The following MEI4 variants were observed in gnomAD, a reference collection of about 807,000 sequenced individuals.
The protein encoded by MEI4 is meiotic double-stranded break formation protein 4.
MEI4 carries 27 observed loss-of-function variants against 31.4 expected under a neutral mutation model. The observed-to-expected ratio is 0.86, with a 90% CI of 0.63 to 1.19. The LOEUF is 1.19. Among genes scored for constraint, MEI4 ranks in the 50% most tolerant of loss-of-function variants. The pLI is 0.00. For missense variants in MEI4, 329 were observed against 398.9 expected, an observed-to-expected ratio of 0.82 and a Z score of 1.49; for synonymous variants, 122 against 145.4, an observed-to-expected ratio of 0.84 and a Z score of 1.16.
At chr6:77,658,820 A>C (rs4708358) in intron 1 of MEI4, among the ~76,000 whole-genome samples, 1 of 151,590 alleles carries the variant, frequency 6.6e-6, no homozygotes, top group Non-Finnish European at 1.5e-5. Flanking sequence ...CAGGACATCC[A>C]ATTAGAGAGT....
At chr6:77,869,230 A>C (rs941962644) in intron 4 of MEI4, among the ~76,000 whole-genome samples, 1 of 152,192 alleles carries the variant, frequency 6.6e-6, no homozygotes, top group Admixed American at 6.5e-5. Context: ...ACTAAGTTAC[A>C]GTAGGGAGAG....
chr6:77,650,587 C>G (rs554007929), upstream of MEI4, among the ~76,000 whole-genome samples: 2 of 152,190 alleles, frequency 1.3e-5, no homozygotes, highest in Non-Finnish European at 2.9e-5. Flanking sequence ...GTAGGCGGGG[C>G]GGGCCCTGCA....
chr6:77,883,717 GATATATAT>G (rs570185624), intron 4 of MEI4, among the ~76,000 whole-genome samples: 4 of 43,338 alleles, frequency 9.2e-5, no homozygotes, highest in South Asian at 5.2e-4. Context: ...TATTATGTAA[GATATATAT>G]ATATATATAT....
chr6:77,790,663 A>C (rs1452641513), intron 3 of MEI4, among the ~76,000 whole-genome samples: 3 of 152,142 alleles, frequency 2.0e-5, no homozygotes, highest in African/African-American at 7.2e-5. Context: ...TGAAAGCAAG[A>C]TCAACCCAAA....
intron 3 of MEI4, among the ~76,000 whole-genome samples, chr6:77,769,864 C>A (rs1316671249): frequency 6.6e-6 from 1 of 151,970 alleles, no homozygotes; most frequent in Non-Finnish European, 1.5e-5. Flanking sequence ...GCAGTATTTA[C>A]CACAGGCCTT....
chr6:77,755,532 C>A (rs142900483), intron 2 of MEI4, among the ~76,000 whole-genome samples: 72 of 152,082 alleles, frequency 4.7e-4, no homozygotes, highest in African/African-American at 1.7e-3. Flanking sequence ...AGTTCTCCTG[C>A]CTCAGCCTCC....
rs149883631 is a variant in MEI4 at position 77,744,309 on chromosome 6, C to G, written c.233-16821C>G. 7.0e-3 allele frequency among the ~76,000 whole-genome samples: 1,060 copies of G among 152,116 alleles called. 13 individuals are homozygous for G. The highest frequency in any genetic ancestry group is 0.024 in the African/African-American group (1,000 of 41,506). ...GGAGCTGAAAGCCAAGGCTCGAGAA[C>G]TACGTGAAGAATGCAGAAGCCTCAG... On this transcript the variant is annotated intron_variant, in intron 2 of 4. Transcript: ENST00000684080.
At position 77,696,345 on chromosome 6, in the gene MEI4, T is replaced by A. The variant is rs558720239; in HGVS notation, c.232+5442T>A. Among the ~76,000 whole-genome samples, 3 of 152,288 alleles carry A rather than the reference T, an allele frequency of 2.0e-5. No homozygotes were observed. The East Asian group carries it at 5.8e-4, about 29-fold the overall frequency. ...AGAGGGCATCCCTGTCTTGTGCCAG[T>A]TTTCAAAGGGAATGCTTCCAGTTTT... On this transcript the variant is annotated intron_variant, in intron 2 of 4. Coordinates refer to ENST00000684080, the MANE Select transcript of MEI4 (RefSeq NM_001322247.2).
chr6:77,743,080 C>G lies in MEI4; in HGVS notation c.233-18050C>G, dbSNP rs1178278150. 2.0e-5 allele frequency among the ~76,000 whole-genome samples: 3 copies of G among 152,198 alleles called. No individual in the cohort carries two copies. In the South Asian group the frequency reaches 6.2e-4, roughly 32 times the overall value. On this transcript the variant is annotated intron_variant, in intron 2 of 4. Transcript: ENST00000684080. Reference sequence around the variant, plus strand: ...GATGCCTCCAGCTTTGTTCTTTTGGCTTAGGATTGACTTGGCGATGCGGGC... The same window carrying G: ...GATGCCTCCAGCTTTGTTCTTTTGGGTTAGGATTGACTTGGCGATGCGGGC...
intron 3 of MEI4, among the ~76,000 whole-genome samples, chr6:77,774,993 T>A (rs76480848): frequency 0.014 from 2,183 of 152,124 alleles, 56 homozygotes; most frequent in African/African-American, 0.05. Context: ...TCTTTTAGGG[T>A]CAGCCAGCAT....
intron 2 of MEI4, among the ~76,000 whole-genome samples, chr6:77,743,718 C>A (rs1582090715): frequency 1.3e-5 from 2 of 152,196 alleles, no homozygotes; most frequent in Non-Finnish European, 2.9e-5. Flanking sequence ...GAGGCACCCC[C>A]CAGTAGGGGC....
At chr6:77,778,491 A>G (rs1281991137) in intron 3 of MEI4, among the ~76,000 whole-genome samples, 3 of 152,046 alleles carry the variant, frequency 2.0e-5, no homozygotes, top group African/African-American at 7.2e-5. Flanking sequence ...GCCTGAGCCC[A>G]GGAATTGAAG....
chr6:77,802,129 A>G (rs151018043), intron 3 of MEI4, among the ~76,000 whole-genome samples: 1 of 152,192 alleles, frequency 6.6e-6, no homozygotes, highest in African/African-American at 2.4e-5. Flanking sequence ...GTCTCTAAGG[A>G]TGTGCTTTAT....
intron 4 of MEI4, among the ~76,000 whole-genome samples, chr6:77,838,525 G>A (rs1003196285): frequency 2.0e-5 from 3 of 152,086 alleles, no homozygotes; most frequent in African/African-American, 7.2e-5. Flanking sequence ...TGTGACTTAC[G>A]GTACCAGATG....
In MEI4 at chr6:77,925,487, C is replaced by T. The variant is rs1766821655; in HGVS notation, c.*2141C>T. 6.6e-6 allele frequency: 1 copy of T among 151,604 alleles called. No individual in the cohort carries two copies. The highest frequency in any genetic ancestry group is 1.5e-5 in the Non-Finnish European group (1 of 67,850). The allele number at this position is 151,604 out of a possible 1,614,324, so 9.4% of individuals were successfully genotyped here. A position where few individuals can be genotyped will look rare whatever the true frequency, so the allele number is the denominator to read the frequency against. On this transcript the variant is annotated 3_prime_UTR_variant, in exon 5 of 5. Transcript: ENST00000684080. ...AAATGATAAAATGAGACATTTTTATCTGTGTTTCAGTAAAGCAGTGAATTA... is the reference window on the plus strand; with the variant it reads ...AAATGATAAAATGAGACATTTTTATTTGTGTTTCAGTAAAGCAGTGAATTA...
At chr6:77,802,129 A>T (rs151018043) in intron 3 of MEI4, among the ~76,000 whole-genome samples, 135 of 152,190 alleles carry the variant, frequency 8.9e-4, no homozygotes, top group Non-Finnish European at 1.6e-3. Flanking sequence ...GTCTCTAAGG[A>T]TGTGCTTTAT....
chr6:77,912,211 T>C lies in MEI4; in HGVS notation c.901-10878T>C, dbSNP rs1046171686. Reference sequence around the variant, plus strand: ...TGTTTGCTTTTATACCAATACTATATTGTTTTGATTACTTAATCATTGTAA... The same window carrying C: ...TGTTTGCTTTTATACCAATACTATACTGTTTTGATTACTTAATCATTGTAA... On this transcript the variant is annotated intron_variant, in intron 4 of 4. Coordinates refer to ENST00000684080, the MANE Select transcript of MEI4 (RefSeq NM_001322247.2). Among the ~76,000 whole-genome samples the C allele has an allele frequency of 1.2e-4, 18 of 152,236 alleles. 1 individual carries two copies. The highest frequency in any genetic ancestry group is 3.3e-4 in the Admixed American group (5 of 15,274).
intron 4 of MEI4, among the ~76,000 whole-genome samples, chr6:77,915,716 G>T (rs943084780): frequency 6.6e-6 from 1 of 151,820 alleles, no homozygotes; most frequent in Non-Finnish European, 1.5e-5. Flanking sequence ...TCTTTTTACT[G>T]CAATGTAATA....
intron 3 of MEI4, among the ~76,000 whole-genome samples, chr6:77,804,022 T>C (rs1460223009): frequency 6.6e-6 from 1 of 152,218 alleles, no homozygotes. Context: ...CATTTATGTC[T>C]GCAGAGGTTT....
Sources: allele counts gnomAD v4.1 joint callset (sites outside exome capture counted in the v4.1 genomes callset), GRCh38; gene constraint gnomAD v4.1.1; transcripts MANE v1.5; gene names NCBI Gene and HGNC (gene_info 2026-07-23, HGNC 2026-07-21).